The following DAPK1 variants were observed in gnomAD, a reference collection of about 807,000 sequenced individuals.
The protein encoded by DAPK1 is death associated protein kinase 1, also known as death-associated protein kinase 1.
Under a neutral mutation model 144.9 loss-of-function variants are expected in DAPK1, and 56 were observed. That is an observed-to-expected ratio of 0.39 (90% CI 0.31 to 0.48). DAPK1 has a LOEUF of 0.48. DAPK1 is among the 20% of genes least tolerant of loss of function. DAPK1 has a pLI of 0.95. For missense variants in DAPK1, 1,454 were observed against 1,875.4 expected (o/e 0.78, Z 4.15); for synonymous variants, 690 against 749.0 (o/e 0.92, Z 1.29).
chr9:87,704,362 T>A (rs1461342534), intron 25 of DAPK1, among the ~76,000 whole-genome samples: 2 of 152,188 alleles, frequency 1.3e-5, no homozygotes, highest in Non-Finnish European at 2.9e-5. Flanking sequence ...TCTCCTTTAT[T>A]TGTCATTACA....
At chr9:87,600,512 G>A (rs555726497) in intron 2 of DAPK1, among the ~76,000 whole-genome samples, 6 of 152,212 alleles carry the variant, frequency 3.9e-5, no homozygotes, top group South Asian at 4.1e-4. Context: ...AGGATTGCTC[G>A]AGCTCGGGAG....
chr9:87,669,090 G>C (rs1831162076), intron 19 of DAPK1: 1 of 182,422 alleles, frequency 5.5e-6, no homozygotes, highest in Non-Finnish European at 1.2e-5. Flanking sequence ...GTAAAGGCAG[G>C]TGCACCCTTT....
At chr9:87,652,735 T>A (rs71489460) in intron 17 of DAPK1, among the ~76,000 whole-genome samples, 1 of 144,824 alleles carries the variant, frequency 6.9e-6, no homozygotes, top group Non-Finnish European at 1.5e-5. Context: ...TCCCACCTGA[T>A]CCCGGGTCCT....
chr9:87,498,615 T>G (rs904235481), intron 1 of DAPK1: 1 of 302,746 alleles, frequency 3.3e-6, no homozygotes, highest in Non-Finnish European at 6.0e-6. Flanking sequence ...GAGGGCTTCA[T>G]TCTTCCGCGG....
intron 2 of DAPK1, among the ~76,000 whole-genome samples, chr9:87,547,703 G>C (rs954198003): frequency 2.0e-5 from 3 of 152,000 alleles, no homozygotes; most frequent in Non-Finnish European, 4.4e-5. Flanking sequence ...GGGCAGGGGT[G>C]GGGGTGCAGG....
chr9:87,600,054 A>C (rs1301795863), intron 2 of DAPK1, among the ~76,000 whole-genome samples: 3 of 152,196 alleles, frequency 2.0e-5, no homozygotes, highest in Non-Finnish European at 1.5e-5. Flanking sequence ...CCACAGTACT[A>C]TACTTGGGGG....
chr9:87,644,750 G>C (rs1430902259), intron 11 of DAPK1, among the ~76,000 whole-genome samples: 1 of 152,180 alleles, frequency 6.6e-6, no homozygotes, highest in Non-Finnish European at 1.5e-5. Flanking sequence ...GAAAAGTTTA[G>C]GGTAGGAGAG....
chr9:87,589,370 G>T, intron 2 of DAPK1, among the ~76,000 whole-genome samples: 1 of 152,028 alleles, frequency 6.6e-6, no homozygotes, highest in East Asian at 1.9e-4. Flanking sequence ...CTTCTTTATT[G>T]TGCTTGTCCT....
chr9:87,632,691 C>T (rs1437705410), intron 3 of DAPK1: 1 of 964,572 alleles, frequency 1.0e-6, no homozygotes, highest in Non-Finnish European at 1.2e-6. Context: ...TACCTATATA[C>T]AAATGAAGGA....
chr9:87,639,865 T>C (rs1253908207), intron 7 of DAPK1, 50 bp downstream of exon 7: 13 of 1,585,894 alleles, frequency 8.2e-6, no homozygotes, highest in South Asian at 6.7e-5. Flanking sequence ...TATGAGACCA[T>C]AGGTTTAATT....
intron 18 of DAPK1, among the ~76,000 whole-genome samples, chr9:87,663,117 T>C (rs1026929538): frequency 2.0e-5 from 3 of 152,012 alleles, no homozygotes; most frequent in African/African-American, 7.2e-5. Context: ...CAGGGGGACC[T>C]GAACAAGTCT....
chr9:87,511,311 G>A (rs553153233), intron 2 of DAPK1, among the ~76,000 whole-genome samples: 2 of 152,304 alleles, frequency 1.3e-5, no homozygotes, highest in African/African-American at 2.4e-5. Flanking sequence ...GATGCTTAGG[G>A]TTCCTAAGAA....
chr9:87,561,447 A>C (rs982543136), intron 2 of DAPK1, among the ~76,000 whole-genome samples: 1 of 152,052 alleles, frequency 6.6e-6, no homozygotes, highest in Non-Finnish European at 1.5e-5. Context: ...AATGGCGTGA[A>C]CCCGGGAGGC....
At chr9:87,536,892 G>A (rs1825879040) in intron 2 of DAPK1, among the ~76,000 whole-genome samples, 2 of 152,078 alleles carry the variant, frequency 1.3e-5, no homozygotes, top group South Asian at 4.1e-4. Context: ...TATTTTTCTA[G>A]TGGAGTAGTG....
intron 2 of DAPK1, among the ~76,000 whole-genome samples, chr9:87,552,322 A>G (rs1348460759): frequency 9.4e-6 from 1 of 106,780 alleles, no homozygotes; most frequent in Non-Finnish European, 2.4e-5. Context: ...CCCATCTTAA[A>G]GAGGACAAGG....
rs1824619754 is a variant in DAPK1 at position 87,681,481 on chromosome 9, T to G, written c.2079T>G (p.Phe693Leu). The G allele has an allele frequency of 1.2e-6, 2 of 1,613,586 alleles. No individual in the cohort carries two copies. Among genetic ancestry groups the G allele is most frequent in the Non-Finnish European group, 1.7e-6 (2 of 1,179,662 alleles). ...NLQPRIKLKL[F>L]GHSGSGKTTL... is the part of the protein sequence containing the mutation. Reference sequence around the variant, plus strand: ...AGCCAAGAATTAAGCTCAAGCTGTTTGGCCACTCGGGATCCGGGAAAACCA... The same window carrying G: ...AGCCAAGAATTAAGCTCAAGCTGTTGGGCCACTCGGGATCCGGGAAAACCA... The change falls in exon 20 of 26, where the codon TTT (phenylalanine) becomes TTG (leucine). Residue 693 changes from phenylalanine (F) to leucine (L), a missense_variant. This residue lies in a region of DAPK1 where 1,025 missense variants were observed against 1,237.9 expected (regional missense o/e 0.83). Transcript: ENST00000408954.
rs188898942 is a variant in DAPK1, at chr9:87,694,202, G to T, written c.2414-2805G>T. Among the ~76,000 whole-genome samples, 11 of 152,328 alleles carry T rather than the reference G, an allele frequency of 7.2e-5. No individual in the cohort carries two copies. The East Asian group carries it at 2.1e-3, about 29-fold the overall frequency. On this transcript the variant is annotated intron_variant, in intron 21 of 25. Coordinates refer to ENST00000408954, the MANE Select transcript of DAPK1 (RefSeq NM_004938.4). ...CAAGCAATCTGTGCTGATGTTGGCA[G>T]TGGCTGCAATGGGCTAGGCAGGCCA...
At chr9:87,660,365 G>A (rs944315181) in intron 18 of DAPK1, among the ~76,000 whole-genome samples, 9 of 152,078 alleles carry the variant, frequency 5.9e-5, no homozygotes, top group South Asian at 4.2e-4. Flanking sequence ...CACATCCCTC[G>A]GTTTAAGTTT....
Position 87,545,263 on chromosome 9 carries a change from G to A in DAPK1, c.62+46124G>A, listed in dbSNP as rs144581868. On this transcript the variant is annotated intron_variant, in intron 2 of 25. Coordinates refer to ENST00000408954, the MANE Select transcript of DAPK1 (RefSeq NM_004938.4). ...GCTCCCGGGTGCAGGGTTAGGAAGT[G>A]CGTAATGAGCTTTAGAAAGGGTTCC... Among the ~76,000 whole-genome samples, 5 of 152,310 alleles carry A rather than the reference G, an allele frequency of 3.3e-5. No homozygotes were observed. The East Asian group carries it at 9.6e-4, about 29-fold the overall frequency.
Sources: allele counts gnomAD v4.1 joint callset (sites outside exome capture counted in the v4.1 genomes callset), GRCh38; gene constraint gnomAD v4.1.1; regional missense constraint gnomAD v4.1.1; transcripts MANE v1.5; gene names NCBI Gene and HGNC (gene_info 2026-07-23, HGNC 2026-07-21).